Variants in UHRF1 observed in about 807,000 individuals in gnomAD.
UHRF1 encodes ubiquitin like with PHD and ring finger domains 1, also known as E3 ubiquitin-protein ligase UHRF1.
Under a neutral mutation model 96.5 loss-of-function variants are expected in UHRF1, and 9 were observed. The observed-to-expected ratio is 0.09, with a 90% CI of 0.06 to 0.16. The LOEUF (loss-of-function observed/expected upper bound fraction) is 0.16. Among genes scored for constraint, UHRF1 ranks in the 10% least tolerant of loss-of-function variants. The pLI, the probability that UHRF1 is intolerant of heterozygous loss-of-function variation, is 1.00. For synonymous variants in UHRF1, 455 were observed against 469.9 expected, an observed-to-expected ratio of 0.97 and a Z score of 0.41; for missense variants, 626 against 1,131.1, an observed-to-expected ratio of 0.55 and a Z score of 6.40.
chr19:4,958,595 G>T (rs1047741698), intron 16 of UHRF1, among the ~76,000 whole-genome samples: 2 of 152,258 alleles, frequency 1.3e-5, no homozygotes, highest in African/African-American at 4.8e-5. Flanking sequence ...ATCTGTCCTT[G>T]TTGCTCTGTT....
At chr19:4,952,497 G>A (rs2033746206) in intron 13 of UHRF1, among the ~76,000 whole-genome samples, 3 of 146,750 alleles carry the variant, frequency 2.0e-5, no homozygotes, top group Non-Finnish European at 4.5e-5. Flanking sequence ...AGGCTCAAGC[G>A]ACTCTCTCAT....
chr19:4,946,526 G>A (rs1429247605), intron 10 of UHRF1, among the ~76,000 whole-genome samples: 5 of 151,850 alleles, frequency 3.3e-5, no homozygotes, highest in African/African-American at 1.2e-4. Flanking sequence ...TCTTTTGGGT[G>A]TATATCCAGA....
At chr19:4,921,331 C>T (rs945126998) in intron 2 of UHRF1, among the ~76,000 whole-genome samples, 2 of 151,872 alleles carry the variant, frequency 1.3e-5, no homozygotes, top group East Asian at 1.9e-4. Flanking sequence ...CGCAGCTACT[C>T]GGGAGGCTGA....
At chr19:4,945,581 C>T (rs1380324074) in intron 9 of UHRF1, among the ~76,000 whole-genome samples, 1 of 151,890 alleles carries the variant, frequency 6.6e-6, no homozygotes, top group Non-Finnish European at 1.5e-5. Flanking sequence ...TTTCTAGAGG[C>T]CGAAGAGGAG....
chr19:4,951,793 A>G (rs2033724575), intron 13 of UHRF1, among the ~76,000 whole-genome samples: 1 of 151,932 alleles, frequency 6.6e-6, no homozygotes, highest in African/African-American at 2.4e-5. Context: ...TCCCCGAGCC[A>G]TCTCTCACCT....
chr19:4,950,063 G>A (rs74879365), intron 11 of UHRF1, among the ~76,000 whole-genome samples: 1 of 150,110 alleles, frequency 6.7e-6, no homozygotes, highest in South Asian at 2.1e-4. Context: ...TGGAGATGGG[G>A]TTTTGCCACG....
chr19:4,917,777 C>G (rs2032572751), intron 2 of UHRF1, among the ~76,000 whole-genome samples: 2 of 151,884 alleles, frequency 1.3e-5, no homozygotes, highest in Admixed American at 1.3e-4. Flanking sequence ...CCTACTTCAG[C>G]CTCCTGAGTA....
chr19:4,950,573 C>G (rs1354440813), intron 11 of UHRF1, 38 bp from the exon 12 acceptor site: 17 of 1,591,932 alleles, frequency 1.1e-5, no homozygotes, highest in Non-Finnish European at 1.5e-5. Flanking sequence ...GGGGTACATC[C>G]TCACCTATAA....
rs773849704 is a variant in UHRF1, at chr19:4,954,499, C to T, written c.1957+11C>T. The T allele has an allele frequency of 2.2e-5, 36 of 1,605,678 alleles. No individual in the cohort carries two copies. The African/African-American group carries it at 2.7e-4, about 12-fold the overall frequency. On this transcript the variant is annotated intron_variant, in intron 14 of 16. Coordinates refer to ENST00000650932, the MANE Select transcript of UHRF1 (RefSeq NM_001048201.3). This position sits in a 1 kb window ranked among gnomAD's most constrained non-coding sequence, Gnocchi z 5.9. ...AGCGGAAGTCGGCAGGTGAGAATCT[C>T]GTGGGTGTGGGGTGAGCGTCTTGTG...
rs17884645 is a variant in UHRF1, at chr19:4,960,412, C to T, written c.2236-245C>T. Among the ~76,000 whole-genome samples, 852 of 152,188 alleles carry T rather than the reference C, an allele frequency of 5.6e-3. 13 individuals carry two copies. Among genetic ancestry groups the T allele is most frequent in the African/African-American group, 0.02 (821 of 41,552 alleles). On this transcript the variant is annotated intron_variant, in intron 16 of 16. Transcript: ENST00000650932. ...GAGCTGAGCTGTGAGTGATGAGAGC[C>T]GGGGGACCGAGCTGTTAAGCTGCAT... is the stretch of plus-strand genomic sequence containing the variant.
intron 2 of UHRF1, among the ~76,000 whole-genome samples, chr19:4,914,240 T>C (rs2032404176): frequency 6.6e-6 from 1 of 151,972 alleles, no homozygotes; most frequent in Non-Finnish European, 1.5e-5. Context: ...GCAGGGAGGT[T>C]TGGACAGTGG....
chr19:4,948,003 C>G (rs903183070), intron 11 of UHRF1, among the ~76,000 whole-genome samples: 2 of 149,312 alleles, frequency 1.3e-5, no homozygotes, highest in South Asian at 4.3e-4. Flanking sequence ...AGTCAGGAGG[C>G]TGAGGCAGGA....
At chr19:4,953,975 A>AG (rs2033785685) in intron 13 of UHRF1, among the ~76,000 whole-genome samples, 1 of 151,938 alleles carries the variant, frequency 6.6e-6, no homozygotes, top group South Asian at 2.1e-4. Flanking sequence ...AGCTGGACAA[A>AG]GGGAAGGTTC....
chr19:4,913,828 TTGG>T (rs1180967198), intron 2 of UHRF1, among the ~76,000 whole-genome samples: 8 of 125,232 alleles, frequency 6.4e-5, no homozygotes, highest in African/African-American at 3.0e-4. Context: ...TTTTTTTTTT[TTGG>T]AGACAGTTTC....
intron 2 of UHRF1, among the ~76,000 whole-genome samples, chr19:4,928,824 C>T (rs867820138): frequency 2.0e-5 from 3 of 152,254 alleles, no homozygotes; most frequent in South Asian, 2.1e-4. Context: ...CAGCGTCCCC[C>T]GGGGTCTGAA....
chr19:4,941,094 T>G (rs1332641404), intron 5 of UHRF1, among the ~76,000 whole-genome samples: 7 of 138,982 alleles, frequency 5.0e-5, no homozygotes, highest in South Asian at 4.8e-4. Flanking sequence ...TGTTTTTTTT[T>G]TTTTTTTTTT....
At chr19:4,945,607 G>A (rs1409376211) in intron 9 of UHRF1, among the ~76,000 whole-genome samples, 1 of 151,648 alleles carries the variant, frequency 6.6e-6, no homozygotes, top group African/African-American at 2.4e-5. Context: ...GAGATCAGCA[G>A]TGAGGATGCC....
At chr19:4,957,297 GTTTTTTTT>G (rs59654364) in intron 16 of UHRF1, among the ~76,000 whole-genome samples, 11 of 51,100 alleles carry the variant, frequency 2.2e-4, no homozygotes, top group African/African-American at 7.7e-4. Flanking sequence ...CCAGCTGATG[GTTTTTTTT>G]TTTTTTTTTT....
In UHRF1 at chr19:4,932,943, A is replaced by C. The variant is rs780388593; in HGVS notation, c.772A>C (p.Asn258His). The part of the protein sequence containing the change: ...ETRTARELYA[N>H]VVLGDDSLND... ...CAGGACGGCGCGGGAACTCTACGCC[A>C]ACGTGGTGCTGGGGTGAGCCTCGCG... Residue 258 changes from asparagine (N) to histidine (H), a missense_variant, in exon 5 of 17, where the codon AAC becomes CAC. This residue lies in a region of UHRF1 where 198 missense variants were observed against 235.1 expected (regional missense o/e 0.84). Coordinates refer to ENST00000650932, the MANE Select transcript of UHRF1 (RefSeq NM_001048201.3). The C allele has an allele frequency of 7.4e-6, 12 of 1,611,880 alleles. No homozygotes were observed. Among genetic ancestry groups the C allele is most frequent in the Non-Finnish European group, 1.0e-5 (12 of 1,179,168 alleles).
Sources: allele counts gnomAD v4.1 joint callset (sites outside exome capture counted in the v4.1 genomes callset), GRCh38; gene constraint gnomAD v4.1.1; regional missense constraint gnomAD v4.1.1; non-coding constraint Gnocchi (gnomAD v3.1); transcripts MANE v1.5; gene names NCBI Gene and HGNC (gene_info 2026-07-23, HGNC 2026-07-21).